FMO5: variants seen among roughly 807,000 people sequenced by gnomAD.
FMO5 encodes the protein flavin containing dimethylaniline monoxygenase 5.
In FMO5, 51 loss-of-function variants were observed where a neutral mutation model predicts 43.6. The ratio of observed to expected loss-of-function variants is 1.17; its 90% CI spans 0.93 to 1.48. The LOEUF (loss-of-function observed/expected upper bound fraction) is 1.48. FMO5 is among the 40% of genes most tolerant of loss of function. The probability of loss-of-function intolerance (pLI) is 0.00; values close to 1 mark genes in which losing one functional copy is unlikely to be tolerated. For synonymous variants in FMO5, 187 were observed against 216.5 expected, an observed-to-expected ratio of 0.86 and a Z score of 1.20; for missense variants, 644 against 643.0, an observed-to-expected ratio of 1.00 and a Z score of -0.02.
chr1:147,203,618 T>A (rs1170521295), intron 6 of FMO5: 409 of 1,229,940 alleles, frequency 3.3e-4, no homozygotes, highest in South Asian at 9.6e-5. Context: ...AGCAAACTTC[T>A]TAATAGCGTA....
chr1:147,188,926 A>T (rs1251413056), intron 8 of FMO5, among the ~76,000 whole-genome samples: 2 of 152,108 alleles, frequency 1.3e-5, no homozygotes, highest in African/African-American at 4.8e-5. Flanking sequence ...GTTTAAAAGC[A>T]CCAAACTCAG....
chr1:147,212,504 G>A lies in FMO5; in HGVS notation c.519C>T (p.His173=). Residue 173 remains histidine (H), a synonymous_variant, in exon 5 of 9, where the codon CAC becomes CAT. Transcript: ENST00000254090. ...GIEKFKGQYF[H]SRDYKNPEGF... Reference sequence around the variant, plus strand: ...CCTCTGGGTTCTTATAGTCTCGACTGTGGAAGTACTGCCCTTTGAACTTCT... The same window carrying A: ...CCTCTGGGTTCTTATAGTCTCGACTATGGAAGTACTGCCCTTTGAACTTCT... 1 of 1,613,766 alleles carries A rather than the reference G, an allele frequency of 6.2e-7. No homozygotes were observed. Among genetic ancestry groups the A allele is most frequent in the South Asian group, 1.1e-5 (1 of 91,056 alleles).
intron 7 of FMO5, among the ~76,000 whole-genome samples, chr1:147,193,781 G>T (rs1553919090): frequency 6.6e-6 from 1 of 152,136 alleles, no homozygotes; most frequent in Admixed American, 6.6e-5. Context: ...AGTCATTCAG[G>T]AGCAGGTTGT....
chr1:147,223,530 C>T (rs1663436010), intron 2 of FMO5: 1 of 152,570 alleles, frequency 6.6e-6, no homozygotes. Context: ...AAAGCAAACC[C>T]GTTCTCCTCT....
At chr1:147,217,861 C>T (rs1363327386) in intron 2 of FMO5, among the ~76,000 whole-genome samples, 1 of 152,136 alleles carries the variant, frequency 6.6e-6, no homozygotes, top group Admixed American at 6.6e-5. Flanking sequence ...GTAGTGTATT[C>T]CTTATCTCTC....
chr1:147,208,421 T>C (rs1310532720), intron 6 of FMO5: 3 of 143,050 alleles, frequency 2.1e-5, no homozygotes, highest in Non-Finnish European at 4.4e-5. Context: ...TATGAGTCTA[T>C]AGGCTTTCTT....
chr1:147,219,502 T>C (rs1662612979), intron 2 of FMO5, among the ~76,000 whole-genome samples: 1 of 152,126 alleles, frequency 6.6e-6, no homozygotes, highest in Non-Finnish European at 1.5e-5. Flanking sequence ...AAAGAACATC[T>C]ACAAAATACC....
At position 147,215,915 on chromosome 1, in the gene FMO5, T is replaced by C. The variant is rs1661903718; in HGVS notation, c.163A>G (p.Ile55Val). Reference protein sequence around the residue: ...QENPEEGRASIYKSVIINTSK... With the variant: ...QENPEEGRASVYKSVIINTSK... ...GTATTGATGATCACTGATTTGTAAA[T>C]ACTGGCCCTTCCTTCTTCAGGATTT... Residue 55 changes from isoleucine (I) to valine (V), a missense_variant, in exon 3 of 9, where the codon ATT becomes GTT. Ile to Val is a conservative substitution (Grantham distance 29, BLOSUM62 3). Transcript: ENST00000254090. 2 of 1,609,474 alleles carry C rather than the reference T, an allele frequency of 1.2e-6. No homozygotes were observed. Among genetic ancestry groups the C allele is most frequent in the East Asian group, 4.5e-5 (2 of 44,792 alleles).
At position 147,223,732 on chromosome 1, in the gene FMO5, T is replaced by C. The variant is rs1663477095; in HGVS notation, c.135+1163A>G. On this transcript the variant is annotated intron_variant, in intron 2 of 8. Coordinates refer to ENST00000254090, the MANE Select transcript of FMO5 (RefSeq NM_001461.4). ...CCCTCTTTGTCAGATGGCCCCCCTA[T>C]ATCAGGTTGCAGCAGCAAAGAGCTA... 2.4e-5 allele frequency: 5 copies of C among 209,244 alleles called. No individual in the cohort carries two copies. The South Asian group carries it at 2.8e-4, about 12-fold the overall frequency. 13.0% of individuals were successfully genotyped at this position (209,244 alleles called of 1,614,324 possible).
intron 7 of FMO5, among the ~76,000 whole-genome samples, chr1:147,191,182 C>A (rs1268898627): frequency 6.6e-6 from 1 of 152,086 alleles, no homozygotes; most frequent in African/African-American, 2.4e-5. Flanking sequence ...GATTTATAAT[C>A]CTTTGGGTAT....
chr1:147,190,105 A>G, intron 8 of FMO5, 72 bp downstream of exon 8: 4 of 1,027,576 alleles, frequency 3.9e-6, no homozygotes, highest in Non-Finnish European at 6.0e-6. Context: ...GCAGTTAAAT[A>G]CAGTACAATA....
At chr1:147,217,204 A>C (rs944652277) in intron 2 of FMO5, among the ~76,000 whole-genome samples, 4 of 151,630 alleles carry the variant, frequency 2.6e-5, no homozygotes, top group Non-Finnish European at 5.9e-5. Flanking sequence ...GCGCCATTGC[A>C]CTCCAGCCTG....
At position 147,187,252 on chromosome 1, in the gene FMO5, T is replaced by C; in HGVS notation, c.1257-7A>G. On this transcript the variant is annotated splice_region_variant and splice_polypyrimidine_tract_variant and intron_variant, in intron 8 of 8. Coordinates refer to ENST00000254090, the MANE Select transcript of FMO5 (RefSeq NM_001461.4). ...GCGTTGGCTCTCCACATACCTAAAG[T>C]AGAAAAGACAGAAACCATGGCCTGT... 1 of 1,571,448 alleles carries C rather than the reference T, an allele frequency of 6.4e-7. No individual in the cohort carries two copies. Among genetic ancestry groups the C allele is most frequent in the Non-Finnish European group, 8.6e-7 (1 of 1,159,284 alleles).
At chr1:147,208,132 G>A (rs1187342141) in intron 6 of FMO5, among the ~76,000 whole-genome samples, 1 of 151,806 alleles carries the variant, frequency 6.6e-6, no homozygotes, top group Non-Finnish European at 1.5e-5. Context: ...CTTATAGAAA[G>A]TCCTCAGAAA....
At chr1:147,218,947 T>C (rs1198906479) in intron 2 of FMO5, among the ~76,000 whole-genome samples, 1 of 152,214 alleles carries the variant, frequency 6.6e-6, no homozygotes, top group African/African-American at 2.4e-5. Flanking sequence ...CTGTTCATAT[T>C]TCTATAAAGA....
At chr1:147,210,765 T>A (rs1660948364) in intron 5 of FMO5, 1 of 152,216 alleles carries the variant, frequency 6.6e-6, no homozygotes, top group Non-Finnish European at 1.5e-5. Flanking sequence ...ACTTGATAAG[T>A]GCTTAATGGC....
At chr1:147,217,065 A>G (rs1662118871) in intron 2 of FMO5, among the ~76,000 whole-genome samples, 1 of 150,838 alleles carries the variant, frequency 6.6e-6, no homozygotes. Context: ...ACATGGAGAA[A>G]CCCTGTCTCT....
In FMO5 at chr1:147,186,673, G is replaced by C; in HGVS notation, c.*227C>G. On this transcript the variant is annotated 3_prime_UTR_variant, in exon 9 of 9. Coordinates refer to ENST00000254090, the MANE Select transcript of FMO5 (RefSeq NM_001461.4). Reference sequence around the variant, plus strand: ...AAAGAGTACCTGAGCTCCCAGTCTAGGGATTACCACAAGGAAGAGTGACGG... The same window carrying C: ...AAAGAGTACCTGAGCTCCCAGTCTACGGATTACCACAAGGAAGAGTGACGG... 1.5e-6 allele frequency: 2 copies of C among 1,350,566 alleles called. No homozygotes were observed. Among genetic ancestry groups the C allele is most frequent in the South Asian group, 3.7e-5 (2 of 54,582 alleles). 83.7% of individuals were successfully genotyped at this position (1,350,566 alleles called of 1,614,324 possible).
At chr1:147,201,104 T>G in intron 7 of FMO5, 48 bp downstream of exon 7, 1 of 1,361,976 alleles carries the variant, frequency 7.3e-7, no homozygotes, top group South Asian at 1.3e-5. Context: ...TAAACAGAGG[T>G]AAACATATCA....
Sources: gnomAD v4.1 joint callset for allele counts (sites outside exome capture counted in the v4.1 genomes callset) on GRCh38, gnomAD v4.1.1 for gene constraint, MANE v1.5 for transcripts, NCBI Gene and HGNC (gene_info 2026-07-23, HGNC 2026-07-21) for gene names.